The following SPEF2 variants were observed in gnomAD, a reference collection of about 807,000 sequenced individuals.
SPEF2 encodes the protein sperm flagella and cilia-associated protein 2.
In SPEF2, 187 loss-of-function variants were observed where a neutral mutation model predicts 224.6. The ratio of observed to expected loss-of-function variants is 0.83; its 90% confidence interval spans 0.74 to 0.94. SPEF2 has a LOEUF of 0.94. Ranked by LOEUF, SPEF2 falls within the 40% of genes least tolerant of loss-of-function variation. SPEF2 has a pLI of 0.00. For synonymous variants in SPEF2, 715 were observed against 707.3 expected, an observed-to-expected ratio of 1.01 and a Z score of -0.17; for missense variants, 2,170 against 2,135.6, an observed-to-expected ratio of 1.02 and a Z score of -0.32.
At chr5:35,760,636 C>T (rs978421542) in intron 25 of SPEF2, among the ~76,000 whole-genome samples, 2 of 152,010 alleles carry the variant, frequency 1.3e-5, no homozygotes, top group Non-Finnish European at 2.9e-5. Context: ...TTATTTTCAG[C>T]CAAGCAAATC....
At chr5:35,682,719 C>T (rs1753009876) in intron 10 of SPEF2, among the ~76,000 whole-genome samples, 1 of 152,180 alleles carries the variant, frequency 6.6e-6, no homozygotes, top group Admixed American at 6.6e-5. Context: ...AGATTTTATG[C>T]ACTGACAAAT....
At chr5:35,680,121 TC>T (rs949252730) in intron 10 of SPEF2, among the ~76,000 whole-genome samples, 2 of 152,216 alleles carry the variant, frequency 1.3e-5, no homozygotes, top group Admixed American at 1.3e-4. Flanking sequence ...ATCTCTTTCC[TC>T]CCTGTTAAGT....
At chr5:35,647,993 A>C (rs1747641861) in intron 5 of SPEF2, among the ~76,000 whole-genome samples, 1 of 152,222 alleles carries the variant, frequency 6.6e-6, no homozygotes, top group Non-Finnish European at 1.5e-5. Flanking sequence ...ATATTCTCTC[A>C]TGTGACCTAT....
chr5:35,798,106 C>T (rs868285276), intron 33 of SPEF2, among the ~76,000 whole-genome samples: 1 of 152,128 alleles, frequency 6.6e-6, no homozygotes, highest in Non-Finnish European at 1.5e-5. Context: ...TGGAACAAGC[C>T]ACAATCAGCT....
chr5:35,670,509 A>T, intron 10 of SPEF2: 1 of 1,052,072 alleles, frequency 9.5e-7, no homozygotes, highest in Non-Finnish European at 1.1e-6. Context: ...AAAATGCTTT[A>T]ATTTATTTAT....
chr5:35,757,904 T>A (rs1750682640), intron 24 of SPEF2, among the ~76,000 whole-genome samples: 1 of 152,214 alleles, frequency 6.6e-6, no homozygotes, highest in South Asian at 2.1e-4. Flanking sequence ...TTCACCAAAT[T>A]AATTTTTTCC....
At chr5:35,809,552 T>A (rs1758411504) in intron 36 of SPEF2, among the ~76,000 whole-genome samples, 1 of 151,930 alleles carries the variant, frequency 6.6e-6, no homozygotes, top group Non-Finnish European at 1.5e-5. Context: ...GAAGGCAAGG[T>A]CTGGGGAAGG....
At chr5:35,734,356 G>A (rs1370300463) in intron 21 of SPEF2, among the ~76,000 whole-genome samples, 2 of 152,160 alleles carry the variant, frequency 1.3e-5, no homozygotes, top group Non-Finnish European at 2.9e-5. Flanking sequence ...CCCTAAATCA[G>A]TGGTGTCCAA....
chr5:35,734,297 C>T (rs1746159322), intron 21 of SPEF2, among the ~76,000 whole-genome samples: 1 of 152,174 alleles, frequency 6.6e-6, no homozygotes, highest in Non-Finnish European at 1.5e-5. Context: ...AGAACATTCC[C>T]ACCACAGTGC....
chr5:35,814,395 A>AT (rs1758713444), intron 36 of SPEF2, 69 bp from the exon 37 acceptor site: 1 of 808,134 alleles, frequency 1.2e-6, no homozygotes, highest in African/African-American at 1.8e-5. Context: ...ATTTATTAGT[A>AT]TTTGTATAGT....
At chr5:35,809,655 C>T (rs938560823) in intron 36 of SPEF2, among the ~76,000 whole-genome samples, 5 of 152,152 alleles carry the variant, frequency 3.3e-5, no homozygotes, top group East Asian at 1.9e-4. Context: ...GGCCAGATTG[C>T]GAAGAACCCA....
chr5:35,727,716 A>G lies in SPEF2; in HGVS notation c.2956A>G (p.Lys986Glu). ...GKSSGGKVPV[K>E]KSPADSTDTS... ...ATCATCAGGAGGAAAAGTACCAGTA[A>G]AGAAATCACCTGCTGACTCTACAGA... The change falls in exon 21 of 37, where the codon AAG becomes GAG. Residue 986 changes from lysine (K) to glutamate (E), a missense_variant. Coordinates refer to ENST00000356031, the MANE Select transcript of SPEF2 (RefSeq NM_024867.4). 6.2e-7 allele frequency: 1 copy of G among 1,613,954 alleles called. No homozygotes were observed. The highest frequency in any genetic ancestry group is 8.5e-7 in the Non-Finnish European group (1 of 1,179,896).
chr5:35,695,963 T>C (rs1371013820), intron 14 of SPEF2, among the ~76,000 whole-genome samples, 167 bp downstream of exon 14: 2 of 152,240 alleles, frequency 1.3e-5, no homozygotes, highest in African/African-American at 4.8e-5. Flanking sequence ...TAGCATTCTT[T>C]GTATTCTCAA....
At chr5:35,736,931 A>C (rs1446594380) in intron 21 of SPEF2, among the ~76,000 whole-genome samples, 1 of 146,048 alleles carries the variant, frequency 6.8e-6, no homozygotes, top group Admixed American at 6.9e-5. Flanking sequence ...ATAAAAAAAA[A>C]CACTGTTGCC....
At position 35,619,626 on chromosome 5, in the gene SPEF2, G is replaced by A. The variant is rs1579988482; in HGVS notation, c.58+1571G>A. Among the ~76,000 whole-genome samples the A allele has an allele frequency of 2.6e-5, 4 of 152,218 alleles. No individual in the cohort carries two copies. The South Asian group carries it at 6.2e-4, about 24-fold the overall frequency. On this transcript the variant is annotated intron_variant, in intron 1 of 36. Coordinates refer to ENST00000356031, the MANE Select transcript of SPEF2 (RefSeq NM_024867.4). ...CAGGAGGCAGAGATTGCAGTGAGCC[G>A]AGATCGCGCCACTGCACTCCAGTCT...
chr5:35,646,952 C>A, intron 5 of SPEF2, 145 bp downstream of exon 5: 6 of 850,660 alleles, frequency 7.1e-6, no homozygotes, highest in Non-Finnish European at 1.1e-5. Context: ...CAGAATTCTT[C>A]CACTATATGC....
At position 35,708,977 on chromosome 5, in the gene SPEF2, G is replaced by T. The variant is rs1740566166; in HGVS notation, c.2695G>T (p.Glu899Ter). The stretch of plus-strand genomic sequence containing the variant: ...GAAGAAATTAGAAGAAAAGGAAGCT[G>T]AGAAAAAAGCAGCAGCTTCCCTGGC... ...VEKKLEEKEA[E>*]KKAAASLAEL... Residue 899 changes from glutamate (E) to a stop codon, truncating the protein, a stop_gained, in exon 19 of 37, where the codon GAG (glutamate) becomes TAG (stop). Coordinates refer to ENST00000356031, the MANE Select transcript of SPEF2 (RefSeq NM_024867.4). LOFTEE classifies it high-confidence loss of function. 1 of 1,612,438 alleles carries T rather than the reference G, an allele frequency of 6.2e-7. No homozygotes were observed. The highest frequency in any genetic ancestry group is 1.1e-5 in the South Asian group (1 of 90,596).
chr5:35,806,149 T>C (rs1561393798), intron 34 of SPEF2, among the ~76,000 whole-genome samples: 1 of 152,168 alleles, frequency 6.6e-6, no homozygotes, highest in Non-Finnish European at 1.5e-5. Context: ...TTCACCATAC[T>C]CATGAGTGCC....
chr5:35,765,823 T>C (rs1414385725), intron 26 of SPEF2, among the ~76,000 whole-genome samples: 5 of 152,162 alleles, frequency 3.3e-5, no homozygotes, highest in Non-Finnish European at 7.4e-5. Flanking sequence ...TTCCTTTTCA[T>C]ATCCTGTTTA....
Sources: gnomAD v4.1 joint callset for allele counts (sites outside exome capture counted in the v4.1 genomes callset) on GRCh38, gnomAD v4.1.1 for gene constraint, MANE v1.5 for transcripts, NCBI Gene and HGNC (gene_info 2026-07-23, HGNC 2026-07-21) for gene names.